PCDH15: variants seen among roughly 807,000 people sequenced by gnomAD.
PCDH15 encodes protocadherin related 15.
A neutral mutation model predicts 178.5 loss-of-function variants in PCDH15; 129 were observed. The ratio of observed to expected loss-of-function variants is 0.72; its 90% confidence interval spans 0.63 to 0.84. The LOEUF is 0.84. Among genes scored for constraint, PCDH15 ranks in the 40% least tolerant of loss-of-function variants. The pLI is 0.00. For missense variants in PCDH15, 2,230 were observed against 2,099.9 expected (o/e 1.06, Z -1.21); for synonymous variants, 800 against 732.0 (o/e 1.09, Z -1.50).
Position 53,963,932 on chromosome 10 carries a change from A to G in PCDH15, c.2869-2040T>C, listed in dbSNP as rs191980051. Among the ~76,000 whole-genome samples the G allele has an allele frequency of 2.0e-5, 3 of 152,156 alleles. No individual in the cohort carries two copies. In the South Asian group the frequency reaches 6.2e-4, roughly 31 times the overall value. On this transcript the variant is annotated intron_variant, in intron 21 of 37. Transcript: ENST00000644397. ...TTCCAATGATTTTGCATCACACACA[A>G]AAAAAATAAATACAAAGTTGTTAGT... is the stretch of plus-strand genomic sequence containing the variant.
intron 1 of PCDH15, among the ~76,000 whole-genome samples, chr10:54,701,977 T>G (rs1326406671): frequency 6.6e-6 from 1 of 151,868 alleles, no homozygotes; most frequent in African/African-American, 2.4e-5. Context: ...AGACAGAACT[T>G]TCCACCAAAA....
chr10:54,652,910 A>T (rs114043500), intron 2 of PCDH15, among the ~76,000 whole-genome samples: 333 of 152,328 alleles, frequency 2.2e-3, no homozygotes, highest in African/African-American at 7.8e-3. Flanking sequence ...CCATGGTAGG[A>T]AAATGACAAT....
At chr10:54,760,057 T>TA (rs1361785556) in intron 1 of PCDH15, among the ~76,000 whole-genome samples, 51 of 152,328 alleles carry the variant, frequency 3.3e-4, no homozygotes, top group African/African-American at 1.2e-3. Context: ...GGGCATAACT[T>TA]ACATTTACTA....
chr10:55,412,111 T>A (rs567186861), intron 2 of PCDH15, among the ~76,000 whole-genome samples: 2 of 152,072 alleles, frequency 1.3e-5, no homozygotes, highest in East Asian at 1.9e-4. Flanking sequence ...CAGAGCAGCA[T>A]AAAAGAATCA....
At chr10:53,907,175 C>T (rs971873566) in intron 25 of PCDH15, 13 of 152,150 alleles carry the variant, frequency 8.5e-5, no homozygotes, top group Admixed American at 8.5e-4. Context: ...TGTTCTTCCA[C>T]CAAATTTGGA....
chr10:53,903,321 G>C lies in PCDH15; in HGVS notation c.3423C>G (p.Pro1141=). 1 of 1,612,762 alleles carries C rather than the reference G, an allele frequency of 6.2e-7. No homozygotes were observed. Among genetic ancestry groups the C allele is most frequent in the Non-Finnish European group, 8.5e-7 (1 of 1,179,216 alleles). The change falls in exon 26 of 38, where the codon CCC becomes CCG. Residue 1141 remains proline (P), a synonymous_variant. Coordinates refer to ENST00000644397, the MANE Select transcript of PCDH15 (RefSeq NM_001384140.1). The part of the protein sequence containing the change: ...YIEIQDENNH[P]PVFQKKFYIG... Reference sequence around the variant, plus strand: ...TGTAGAATTTTTTCTGAAACACTGGGGGATGATTATTTTCATCCTGAATCT... The same window carrying C: ...TGTAGAATTTTTTCTGAAACACTGGCGGATGATTATTTTCATCCTGAATCT...
chr10:55,450,536 T>C (rs901515244), intron 2 of PCDH15, among the ~76,000 whole-genome samples: 6 of 152,154 alleles, frequency 3.9e-5, no homozygotes, highest in Admixed American at 6.5e-5. Context: ...ATCAGAACTC[T>C]TTTGGTACTA....
At chr10:54,090,145 T>A in intron 15 of PCDH15, 82 bp from the exon 16 acceptor site, 1 of 1,052,910 alleles carries the variant, frequency 9.5e-7, no homozygotes, top group East Asian at 2.4e-5. Context: ...AGCTTGAAAC[T>A]AATAGCACAG....
At chr10:54,578,359 T>C (rs2090717757) in intron 2 of PCDH15, among the ~76,000 whole-genome samples, 1 of 152,098 alleles carries the variant, frequency 6.6e-6, no homozygotes, top group African/African-American at 2.4e-5. Context: ...ATTATAACAT[T>C]GTGACATTTG....
intron 2 of PCDH15, among the ~76,000 whole-genome samples, chr10:55,336,213 C>A (rs992631954): frequency 6.9e-5 from 10 of 145,648 alleles, no homozygotes; most frequent in South Asian, 2.3e-4. Flanking sequence ...TAAAACAATT[C>A]TCTGGGCCGG....
intron 15 of PCDH15, among the ~76,000 whole-genome samples, chr10:54,118,981 G>A (rs1400232318): frequency 5.9e-5 from 9 of 151,934 alleles, no homozygotes; most frequent in Non-Finnish European, 1.2e-4. Flanking sequence ...TAAAAAGAAA[G>A]AAAGAACAAA....
chr10:54,162,390 C>T (rs1250845893), intron 13 of PCDH15, among the ~76,000 whole-genome samples: 1 of 152,074 alleles, frequency 6.6e-6, no homozygotes, highest in Non-Finnish European at 1.5e-5. Context: ...AAGCCAGACC[C>T]ATGGAAGAAA....
intron 1 of PCDH15, among the ~76,000 whole-genome samples, chr10:55,240,114 T>A (rs1042360334): frequency 2.6e-5 from 4 of 152,148 alleles, no homozygotes; most frequent in African/African-American, 9.7e-5. Context: ...TGAATAACAG[T>A]GTGGAGGTTC....
chr10:54,424,379 G>A (rs185447512), intron 3 of PCDH15, among the ~76,000 whole-genome samples: 1 of 151,944 alleles, frequency 6.6e-6, no homozygotes, highest in East Asian at 1.9e-4. Flanking sequence ...GAGAGGATAT[G>A]GAGAAATAGG....
intron 3 of PCDH15, among the ~76,000 whole-genome samples, chr10:54,441,820 T>C (rs553758389): frequency 5.3e-5 from 8 of 151,722 alleles, no homozygotes; most frequent in Non-Finnish European, 7.4e-5. Context: ...ACCACAGTGA[T>C]TGAGAGACAG....
chr10:55,338,355 A>T (rs1844454364), intron 2 of PCDH15, among the ~76,000 whole-genome samples: 1 of 152,252 alleles, frequency 6.6e-6, no homozygotes, highest in African/African-American at 2.4e-5. Context: ...TCCTATGCTT[A>T]TTGTATGACT....
intron 2 of PCDH15, among the ~76,000 whole-genome samples, chr10:55,497,918 A>G (rs906669314): frequency 2.0e-5 from 3 of 151,924 alleles, no homozygotes; most frequent in Admixed American, 6.6e-5. Context: ...TTCAAAATGT[A>G]TAAGATTAGC....
chr10:55,529,113 G>A (rs1199034665), intron 2 of PCDH15, among the ~76,000 whole-genome samples: 1 of 152,010 alleles, frequency 6.6e-6, no homozygotes, highest in East Asian at 1.9e-4. Context: ...GTTCTTTGTA[G>A]ATTCTGGATA....
chr10:53,973,440 TA>T (rs957315588), intron 21 of PCDH15, among the ~76,000 whole-genome samples: 4 of 152,100 alleles, frequency 2.6e-5, no homozygotes, highest in African/African-American at 7.2e-5. Flanking sequence ...TAAAGTATAT[TA>T]AAAAAATAAA....
Sources: allele counts gnomAD v4.1 joint callset (sites outside exome capture counted in the v4.1 genomes callset), GRCh38; gene constraint gnomAD v4.1.1; transcripts MANE v1.5; gene names NCBI Gene and HGNC (gene_info 2026-07-23, HGNC 2026-07-21).